Variants in SETD1B observed in about 807,000 individuals in gnomAD.
SETD1B encodes histone-lysine N-methyltransferase SETD1B.
SETD1B carries 7 observed loss-of-function variants against 148.0 expected under a neutral mutation model. The ratio of observed to expected loss-of-function variants is 0.05; its 90% CI spans 0.03 to 0.09. The LOEUF (loss-of-function observed/expected upper bound fraction) is 0.09, where lower values mean the gene tolerates loss of function less well. SETD1B is among the 10% of genes least tolerant of loss of function. SETD1B has a pLI of 1.00. For missense variants in SETD1B, 2,155 were observed against 2,729.9 expected (o/e 0.79, Z 4.69); for synonymous variants, 1,361 against 1,186.5 (o/e 1.15, Z -3.02).
At chr12:121,812,612 C>T (rs1876091560) in intron 6 of SETD1B, among the ~76,000 whole-genome samples, 2 of 152,120 alleles carry the variant, frequency 1.3e-5, no homozygotes, top group African/African-American at 4.8e-5. Context: ...TGGCTGGCGG[C>T]GGCGGCCCGG....
upstream of SETD1B, chr12:121,803,731 G>C (rs1875533713): frequency 6.6e-6 from 1 of 151,958 alleles, no homozygotes; most frequent in African/African-American, 2.4e-5. The surrounding 1 kb of genome is among the most constrained non-coding windows in gnomAD (Gnocchi z 4.7). Context: ...GGCCGCGGGA[G>C]GTAGAGCCCG....
chr12:121,804,982 A>ACC lies in SETD1B; in HGVS notation c.174+76_174+77dup. The ACC allele has an allele frequency of 1.4e-6, 2 of 1,461,444 alleles. No individual in the cohort carries two copies. Among genetic ancestry groups the ACC allele is most frequent in the East Asian group, 5.0e-5 (2 of 40,060 alleles). The allele number at this position is 1,461,444 out of a possible 1,614,324, so 90.5% of individuals were successfully genotyped here. ...GGGGAGACGCGCCTAGCGGCCAGGG[A>ACC]CCCCCCGCCCGATCCCCCGGCCAAC... On this transcript the variant is annotated intron_variant, in intron 2 of 16. Coordinates refer to ENST00000604567, the MANE Select transcript of SETD1B (RefSeq NM_001353345.2). This position sits in a 1 kb window ranked among gnomAD's most constrained non-coding sequence, Gnocchi z 4.6.
chr12:121,809,598 C>T lies in SETD1B; in HGVS notation c.658-5C>T. On this transcript the variant is annotated splice_polypyrimidine_tract_variant and splice_region_variant and intron_variant, in intron 5 of 16. Coordinates refer to ENST00000604567, the MANE Select transcript of SETD1B (RefSeq NM_001353345.2). ...CAGTGGTCTGACATCTCTGTCTCTC[C>T]TTAGCTGTCAGATGCCCTGAAGCGC... 6.5e-7 allele frequency: 1 copy of T among 1,543,132 alleles called. No individual in the cohort carries two copies. Among genetic ancestry groups the T allele is most frequent in the Non-Finnish European group, 8.8e-7 (1 of 1,142,166 alleles).
rs1406256478 is a variant in SETD1B at position 121,819,878 on chromosome 12, C to A, written c.3893C>A (p.Ser1298Tyr). 3.2e-6 allele frequency: 5 copies of A among 1,550,718 alleles called. No individual in the cohort carries two copies. The East Asian group carries it at 7.3e-5, about 23-fold the overall frequency. The change falls in exon 11 of 17, where the codon TCC (serine) becomes TAC (tyrosine). Residue 1298 changes from serine (S) to tyrosine (Y), a missense_variant. Around this residue, in one of 11 missense-constraint regions of SETD1B, gnomAD observed 862 missense variants for 873.8 expected, o/e 0.99. Coordinates refer to ENST00000604567, the MANE Select transcript of SETD1B (RefSeq NM_001353345.2). ...AKEVEARPPL[S>Y]PERAPEHDLE... ...GAGGTGGAGGCTCGACCCCCATTGT[C>A]CCCTGAGCGAGCTCCAGGTAACACC...
rs773927878 is a variant in SETD1B, at chr12:121,823,342, C to T, written c.4763C>T (p.Pro1588Leu). Residue 1588 changes from proline to leucine, a missense_variant, in exon 12 of 17, where the codon CCC becomes CTC. Physicochemically the swap from Pro to Leu is moderately conservative, Grantham distance 98. Transcript: ENST00000604567. The stretch of plus-strand genomic sequence containing the variant: ...CCAGCCCCTCCACCACCCCTTCCCC[C>T]CCAGCCACCCCCACCCCCACCTCCC... ...GIPAPPPPLP[P>L]QPPPPPPPPP... 9.3e-6 allele frequency: 11 copies of T among 1,187,228 alleles called. No individual in the cohort carries two copies. Among genetic ancestry groups the T allele is most frequent in the Middle Eastern group, 5.7e-4 (2 of 3,496 alleles). The allele number at this position is 1,187,228 out of a possible 1,614,324, so 73.5% of individuals were successfully genotyped here.
rs1379773028 is a variant in SETD1B, at chr12:121,810,012, C to T, written c.1067C>T (p.Ala356Val). 1 of 1,550,522 alleles carries T rather than the reference C, an allele frequency of 6.4e-7. No individual in the cohort carries two copies. The highest frequency in any genetic ancestry group is 8.7e-7 in the Non-Finnish European group (1 of 1,146,948). ...GGTTCCTCGGACCTCCCGTTCGGAGCAGTCGGCGGCACTGGGGGCAGCAGC... is the reference window on the plus strand; with the variant it reads ...GGTTCCTCGGACCTCCCGTTCGGAGTAGTCGGCGGCACTGGGGGCAGCAGC... Reference protein sequence around the residue: ...FRGSSDLPFGAVGGTGGSSGP... With the variant: ...FRGSSDLPFGVVGGTGGSSGP... The change falls in exon 6 of 17, where the codon GCA (alanine) becomes GTA (valine). Residue 356 changes from alanine (A) to valine (V), a missense_variant. Transcript: ENST00000604567. This position sits in a 1 kb window ranked among gnomAD's most constrained non-coding sequence, Gnocchi z 7.6.
chr12:121,823,910 A>G (rs537304835), intron 12 of SETD1B, among the ~76,000 whole-genome samples, 161 bp downstream of exon 12: 32 of 152,286 alleles, frequency 2.1e-4, no homozygotes, highest in African/African-American at 7.7e-4. Context: ...TCCCGGCACC[A>G]TGCCAGGCTC....
At chr12:121,815,052 G>A (rs1326943746) in intron 7 of SETD1B, 122 bp downstream of exon 7, 3 of 927,574 alleles carry the variant, frequency 3.2e-6, no homozygotes, top group African/African-American at 3.3e-5. Context: ...CACTATGGGA[G>A]CTCCATTTCA....
In SETD1B at chr12:121,828,849, G is replaced by A. The variant is rs114298817; in HGVS notation, c.5727+779G>A. Among the ~76,000 whole-genome samples the A allele has an allele frequency of 9.0e-3, 1,374 of 152,338 alleles. 17 individuals carry two copies. Among genetic ancestry groups the A allele is most frequent in the Middle Eastern group, 0.034 (10 of 294 alleles). ...GGGCCACATAGGTGGGTCACTGCAC[G>A]TGGGCCATTTGAGTGCTGGCCAGGC... On this transcript the variant is annotated intron_variant, in intron 16 of 16. Coordinates refer to ENST00000604567, the MANE Select transcript of SETD1B (RefSeq NM_001353345.2).
chr12:121,793,558 C>T, the SETD1B span: 1 of 1,550,762 alleles, frequency 6.4e-7, no homozygotes, highest in Non-Finnish European at 8.7e-7. Flanking sequence ...CCGCCGTCGC[C>T]CACGATCACG....
chr12:121,832,154 C>T lies in SETD1B; in HGVS notation c.*1915C>T, dbSNP rs964411736. On this transcript the variant is annotated 3_prime_UTR_variant, in exon 17 of 17. Coordinates refer to ENST00000604567, the MANE Select transcript of SETD1B (RefSeq NM_001353345.2). ...CTCCAAAGGGCTGTCTCCATTCTGT[C>T]CCCTTCCCATAAAAGAAGTGGGGGT... is the stretch of plus-strand genomic sequence containing the variant. 18 of 152,186 alleles carry T rather than the reference C, an allele frequency of 1.2e-4. No homozygotes were observed. The highest frequency in any genetic ancestry group is 4.1e-4 in the African/African-American group (17 of 41,412). The allele number at this position is 152,186 out of a possible 1,614,324, so 9.4% of individuals were successfully genotyped here.
Position 121,822,580 on chromosome 12 carries a change from C to G in SETD1B, c.4001C>G (p.Pro1334Arg), listed in dbSNP as rs543874326. 6.4e-4 allele frequency: 992 copies of G among 1,551,466 alleles called. 12 individuals are homozygous for G. In the South Asian group the frequency reaches 0.011, roughly 17 times the overall value. The change falls in exon 12 of 17, where the codon CCC becomes CGC. Residue 1334 changes from proline (P) to arginine (R), a missense_variant. Physicochemically the swap from Pro to Arg is moderately radical, Grantham distance 103. Coordinates refer to ENST00000604567, the MANE Select transcript of SETD1B (RefSeq NM_001353345.2). ...CCGCCCCCACGACCACCCCGGCCACCCAGCCCACCGCCGGAGCCTGAGACC... is the reference window on the plus strand; with the variant it reads ...CCGCCCCCACGACCACCCCGGCCACGCAGCCCACCGCCGGAGCCTGAGACC... ...PLPPPRPPRPPSPPPEPETTD... is the reference protein window; with the variant it reads ...PLPPPRPPRPRSPPPEPETTD...
At chr12:121,819,090 C>G (rs1876440194) in intron 10 of SETD1B, among the ~76,000 whole-genome samples, 1 of 149,564 alleles carries the variant, frequency 6.7e-6, no homozygotes, top group Admixed American at 6.7e-5. Context: ...ACTAAAAGTA[C>G]AAAATTAGCC....
chr12:121,793,851 C>T, the SETD1B span: 2 of 430,552 alleles, frequency 4.6e-6, no homozygotes, highest in African/African-American at 4.2e-5. Context: ...ACTGCAGCAC[C>T]GGAAAAACGG....
chr12:121,805,431 T>C lies in SETD1B; in HGVS notation c.273+215T>C, dbSNP rs1347682917. ...GGTGAAACTGTAATCACGGCGCAGA[T>C]ACAGTGTCCTGCACGCCCCGCGGGG... On this transcript the variant is annotated intron_variant, in intron 3 of 16. Transcript: ENST00000604567. This position sits in a 1 kb window ranked among gnomAD's most constrained non-coding sequence, Gnocchi z 4.2. Among the ~76,000 whole-genome samples, 1 of 152,114 alleles carries C rather than the reference T, an allele frequency of 6.6e-6. No homozygotes were observed. The highest frequency in any genetic ancestry group is 1.5e-5 in the Non-Finnish European group (1 of 68,020).
the SETD1B span, among the ~76,000 whole-genome samples, chr12:121,791,731 A>T: frequency 6.6e-6 from 1 of 152,206 alleles, no homozygotes. Context: ...GGCTGCCCTG[A>T]ACAGTGAACC....
In SETD1B at chr12:121,832,553, G is replaced by C. The variant is rs996455504; in HGVS notation, c.*2314G>C. 12 of 184,132 alleles carry C rather than the reference G, an allele frequency of 6.5e-5. No individual in the cohort carries two copies. Among genetic ancestry groups the C allele is most frequent in the African/African-American group, 2.9e-4 (12 of 41,702 alleles). The allele number at this position is 184,132 out of a possible 1,614,324, so 11.4% of individuals were successfully genotyped here. ...GAGAAGTGTTTCCGTTGTGTGTCTT[G>C]ATGTAAATATTTGTTCATATTTTTG... On this transcript the variant is annotated 3_prime_UTR_variant, in exon 17 of 17. Coordinates refer to ENST00000604567, the MANE Select transcript of SETD1B (RefSeq NM_001353345.2).
chr12:121,797,393 G>A, the SETD1B span: 47 of 448,830 alleles, frequency 1.0e-4, no homozygotes, highest in Middle Eastern at 5.0e-3. Flanking sequence ...ACCGGTGGGC[G>A]GGGCGCCCTC....
chr12:121,827,156 A>C (rs1876879692), intron 13 of SETD1B, among the ~76,000 whole-genome samples: 1 of 152,090 alleles, frequency 6.6e-6, no homozygotes, highest in African/African-American at 2.4e-5. Flanking sequence ...CAGGGAGGCC[A>C]AGAGCAGGAC....
Sources: allele counts gnomAD v4.1 joint callset (sites outside exome capture counted in the v4.1 genomes callset), GRCh38; gene constraint gnomAD v4.1.1; regional missense constraint gnomAD v4.1.1; non-coding constraint Gnocchi (gnomAD v3.1); transcripts MANE v1.5; gene names NCBI Gene and HGNC (gene_info 2026-07-23, HGNC 2026-07-21).